MED27: variants seen among roughly 807,000 people sequenced by gnomAD.
MED27 encodes the protein mediator complex subunit 27.
MED27 carries 30 observed loss-of-function variants against 38.2 expected under a neutral mutation model. The ratio of observed to expected loss-of-function variants is 0.79; its 90% CI spans 0.59 to 1.07. The LOEUF (loss-of-function observed/expected upper bound fraction) is 1.07. MED27 is among the 50% of genes least tolerant of loss of function. The pLI is 0.00. For missense variants in MED27, 289 were observed against 397.5 expected, an observed-to-expected ratio of 0.73 and a Z score of 2.32; for synonymous variants, 122 against 153.5, an observed-to-expected ratio of 0.79 and a Z score of 1.52.
chr9:131,906,472 G>C (rs1830065174), intron 4 of MED27, among the ~76,000 whole-genome samples: 1 of 152,128 alleles, frequency 6.6e-6, no homozygotes, highest in African/African-American at 2.4e-5. Flanking sequence ...AGGTGGGCAA[G>C]AGTGTGGCTG....
intron 2 of MED27, among the ~76,000 whole-genome samples, chr9:132,058,568 T>G (rs1351057188): frequency 1.3e-5 from 2 of 152,234 alleles, no homozygotes; most frequent in African/African-American, 2.4e-5. Context: ...CCCCTTCCAG[T>G]GCAATTGTAA....
chr9:131,874,869 T>A (rs1427692553), intron 6 of MED27, among the ~76,000 whole-genome samples: 1 of 152,214 alleles, frequency 6.6e-6, no homozygotes, highest in African/African-American at 2.4e-5. Flanking sequence ...CTTGGTGTGA[T>A]ATTATTTTCT....
intron 3 of MED27, among the ~76,000 whole-genome samples, chr9:131,949,417 C>G (rs1353715348): frequency 6.6e-6 from 1 of 152,040 alleles, no homozygotes; most frequent in Non-Finnish European, 1.5e-5. Context: ...GCAGGGCAAG[C>G]AGAAAACTCC....
chr9:132,036,659 T>C (rs1015705985), intron 2 of MED27, among the ~76,000 whole-genome samples: 3 of 152,214 alleles, frequency 2.0e-5, no homozygotes, highest in African/African-American at 7.2e-5. Flanking sequence ...TCTCCTCACG[T>C]GTAAAACAGA....
At chr9:131,979,772 G>C (rs1025263859) in intron 3 of MED27, among the ~76,000 whole-genome samples, 1 of 152,058 alleles carries the variant, frequency 6.6e-6, no homozygotes, top group Non-Finnish European at 1.5e-5. Context: ...TCCTTACCTT[G>C]GATGGGTTCT....
intron 2 of MED27, among the ~76,000 whole-genome samples, chr9:132,054,885 A>C (rs1414181356): frequency 6.6e-6 from 1 of 151,590 alleles, no homozygotes; most frequent in African/African-American, 2.4e-5. Context: ...CCTCCTCCCT[A>C]CCCTCCACGT....
At chr9:131,929,500 G>A (rs186938978) in intron 4 of MED27, among the ~76,000 whole-genome samples, 9 of 152,230 alleles carry the variant, frequency 5.9e-5, no homozygotes, top group African/African-American at 2.2e-4. Flanking sequence ...TGCCCTGAAG[G>A]GTGAGTCTCA....
At chr9:131,869,837 G>T (rs1267979684) in intron 6 of MED27, among the ~76,000 whole-genome samples, 2 of 152,176 alleles carry the variant, frequency 1.3e-5, no homozygotes, top group Non-Finnish European at 2.9e-5. Flanking sequence ...TCTCAATGGT[G>T]ACCTGCAGTG....
intron 3 of MED27, among the ~76,000 whole-genome samples, chr9:131,964,785 C>A (rs1404469668): frequency 1.3e-5 from 2 of 152,198 alleles, no homozygotes; most frequent in Non-Finnish European, 2.9e-5. Flanking sequence ...TGATGAAGTC[C>A]TTTCCGATAC....
chr9:131,863,537 A>G (rs903420361), intron 6 of MED27, among the ~76,000 whole-genome samples: 13 of 152,212 alleles, frequency 8.5e-5, no homozygotes, highest in African/African-American at 2.7e-4. Flanking sequence ...CGGTACGCAC[A>G]CTTCCTCTTC....
chr9:131,909,444 G>A (rs546202219), intron 4 of MED27, among the ~76,000 whole-genome samples: 38 of 152,282 alleles, frequency 2.5e-4, no homozygotes, highest in South Asian at 1.0e-3. Flanking sequence ...GCTCAAGGGG[G>A]CTCTTCCCCA....
intron 3 of MED27, among the ~76,000 whole-genome samples, chr9:131,992,575 A>T (rs1373509670): frequency 6.6e-6 from 1 of 152,022 alleles, no homozygotes. Flanking sequence ...TTTTTAAAAA[A>T]ATTTTTGTAG....
chr9:132,079,290 G>A (rs556374826), intron 1 of MED27, among the ~76,000 whole-genome samples: 9 of 152,244 alleles, frequency 5.9e-5, no homozygotes, highest in African/African-American at 2.2e-4. Flanking sequence ...TACTACATTC[G>A]GATCAGACGT....
At chr9:131,995,332 G>A (rs1220010830) in intron 3 of MED27, among the ~76,000 whole-genome samples, 1 of 151,682 alleles carries the variant, frequency 6.6e-6, no homozygotes, top group African/African-American at 2.4e-5. Context: ...TGAATAAAGT[G>A]GCCACAGTGA....
In MED27 at chr9:131,997,347, G is replaced by A. The variant is rs12341484; in HGVS notation, c.479+16990C>T. On this transcript the variant is annotated intron_variant, in intron 3 of 7. Coordinates refer to ENST00000292035, the MANE Select transcript of MED27 (RefSeq NM_004269.4). The surrounding 1 kb of genome is among the most constrained non-coding windows in gnomAD (Gnocchi z 4.0). ...GATCGACATACAGCCTCCAGCTATC[G>A]GCATGTTCAGGGTCAGCCTCTGCTG... Among the ~76,000 whole-genome samples the A allele has an allele frequency of 0.019, 2,914 of 152,222 alleles. 88 individuals carry two copies. The highest frequency in any genetic ancestry group is 0.066 in the African/African-American group (2,752 of 41,518).
At chr9:132,065,061 G>A (rs961695503) in intron 2 of MED27, among the ~76,000 whole-genome samples, 1 of 152,142 alleles carries the variant, frequency 6.6e-6, no homozygotes, top group East Asian at 1.9e-4. Context: ...AGACTGGATG[G>A]ACAGGATATT....
chr9:132,016,124 T>C (rs917818458), intron 2 of MED27, among the ~76,000 whole-genome samples: 4 of 152,144 alleles, frequency 2.6e-5, no homozygotes, highest in African/African-American at 4.8e-5. Flanking sequence ...GGGCCTTGGA[T>C]GCAAAGGGCA....
intron 6 of MED27, among the ~76,000 whole-genome samples, chr9:131,880,251 AG>A (rs1369967943): frequency 5.9e-5 from 9 of 152,342 alleles, no homozygotes; most frequent in African/African-American, 2.2e-4. Context: ...GATTAGTTGA[AG>A]GCTTTATTGA....
chr9:132,038,414 G>A (rs1215961741), intron 2 of MED27, among the ~76,000 whole-genome samples: 2 of 151,154 alleles, frequency 1.3e-5, no homozygotes, highest in Non-Finnish European at 2.9e-5. Context: ...GGATGGTCTC[G>A]ATCTCCTGAC....
Sources: allele counts gnomAD v4.1 joint callset (sites outside exome capture counted in the v4.1 genomes callset), GRCh38; gene constraint gnomAD v4.1.1; non-coding constraint Gnocchi (gnomAD v3.1); transcripts MANE v1.5; gene names NCBI Gene and HGNC (gene_info 2026-07-23, HGNC 2026-07-21).